The following NLRP2 variants were observed in gnomAD, a reference collection of about 807,000 sequenced individuals.
NLRP2 encodes the protein NACHT, LRR and PYD domains-containing protein 2.
NLRP2 carries 107 observed loss-of-function variants against 97.2 expected under a neutral mutation model. That is an observed-to-expected ratio of 1.10 (90% CI 0.94 to 1.29). The LOEUF is 1.29. NLRP2 is among the 50% of genes most tolerant of loss of function. NLRP2 has a pLI of 0.00. For synonymous variants in NLRP2, 663 were observed against 551.5 expected, an observed-to-expected ratio of 1.20 and a Z score of -2.83; for missense variants, 1,495 against 1,330.3, an observed-to-expected ratio of 1.12 and a Z score of -1.93.
At chr19:54,972,288 T>G (rs2070913871) in intron 2 of NLRP2, among the ~76,000 whole-genome samples, 1 of 152,038 alleles carries the variant, frequency 6.6e-6, no homozygotes, top group Non-Finnish European at 1.5e-5. Context: ...TTCAAGTGTT[T>G]CTCCTGCATC....
chr19:54,971,931 C>T (rs551824070), intron 2 of NLRP2, among the ~76,000 whole-genome samples: 12 of 151,360 alleles, frequency 7.9e-5, no homozygotes, highest in South Asian at 6.3e-4. Flanking sequence ...CGGGTTCAAG[C>T]GATTCTCCTG....
Position 54,982,235 on chromosome 19 carries a change from C to T in NLRP2, c.537C>T (p.Ser179=). 4 of 1,614,056 alleles carry T rather than the reference C, an allele frequency of 2.5e-6. No individual in the cohort carries two copies. The highest frequency in any genetic ancestry group is 1.3e-5 in the African/African-American group (1 of 75,026). ...TGTGGAAGAGCTGGCCTGGAGATAG[C>T]AAAGAGGTCCAGGTTATGGCTGAGA... The part of the protein sequence containing the change: ...REMWKSWPGD[S]KEVQVMAERY... The change falls in exon 6 of 13, where the codon AGC becomes AGT. Residue 179 remains serine, a synonymous_variant. Transcript: ENST00000448584.
Position 54,983,325 on chromosome 19 carries a change from G to C in NLRP2, c.1627G>C (p.Glu543Gln), listed in dbSNP as rs2071770654. The C allele has an allele frequency of 6.2e-7, 1 of 1,614,228 alleles. No individual in the cohort carries two copies. The highest frequency in any genetic ancestry group is 8.5e-7 in the Non-Finnish European group (1 of 1,180,038). Residue 543 changes from glutamate to glutamine, a missense_variant, in exon 6 of 13, where the codon GAA (glutamate) becomes CAA (glutamine). Transcript: ENST00000448584. ...GDVQKLLSGV[E>Q]RLRNPDLIQA... Reference sequence around the variant, plus strand: ...CGTACAGAAGCTGCTTTCCGGAGTAGAAAGACTCAGGAACCCCGACCTGAT... The same window carrying C: ...CGTACAGAAGCTGCTTTCCGGAGTACAAAGACTCAGGAACCCCGACCTGAT...
chr19:54,971,995 A>ATTTTTTTTTTTTTTT (rs61335843), intron 2 of NLRP2, among the ~76,000 whole-genome samples: 2 of 116,388 alleles, frequency 1.7e-5, no homozygotes, highest in Non-Finnish European at 3.4e-5. Context: ...TGCCTGGCTG[A>ATTTTTTTTTTTTTTT]TTTTTTTTTT....
In NLRP2 at chr19:54,983,695, T is replaced by C. The variant is rs761763761; in HGVS notation, c.1997T>C (p.Val666Ala). ...QVIKENLPEN[V>A]TASESDAEVE... Reference sequence around the variant, plus strand: ...ATAAAGGAGAATCTCCCGGAGAATGTCACTGCGTCTGAATCAGACGCCGAG... The same window carrying C: ...ATAAAGGAGAATCTCCCGGAGAATGCCACTGCGTCTGAATCAGACGCCGAG... The change falls in exon 6 of 13, where the codon GTC (valine) becomes GCC (alanine). Residue 666 changes from valine (V) to alanine (A), a missense_variant. Transcript: ENST00000448584. The C allele has an allele frequency of 6.2e-7, 1 of 1,613,352 alleles. No homozygotes were observed. The highest frequency in any genetic ancestry group is 1.1e-5 in the South Asian group (1 of 91,048).
chr19:54,970,542 C>G (rs1337114530), intron 2 of NLRP2, among the ~76,000 whole-genome samples: 2 of 151,888 alleles, frequency 1.3e-5, no homozygotes, highest in African/African-American at 4.8e-5. Context: ...GTAATCCCAG[C>G]TACTCCGGGA....
intron 4 of NLRP2, among the ~76,000 whole-genome samples, chr19:54,981,212 C>T (rs960958648): frequency 1.3e-5 from 2 of 152,008 alleles, no homozygotes; most frequent in Admixed American, 6.6e-5. Context: ...CTCTGTTGCC[C>T]AGGGTGGAGT....
At chr19:54,995,553 C>A (rs1252289104) in intron 11 of NLRP2, among the ~76,000 whole-genome samples, 1 of 151,624 alleles carries the variant, frequency 6.6e-6, no homozygotes, top group Non-Finnish European at 1.5e-5. Flanking sequence ...CACTACACTC[C>A]ATCCTGGGCT....
At chr19:54,986,951 C>T (rs780146093) in intron 8 of NLRP2, among the ~76,000 whole-genome samples, 31 of 152,064 alleles carry the variant, frequency 2.0e-4, no homozygotes, top group Admixed American at 1.2e-3. Flanking sequence ...TTGGTATGAT[C>T]TCAGGTCACT....
Position 54,973,478 on chromosome 19 carries a change from T to A in NLRP2, c.281-1022T>A, listed in dbSNP as rs555524504. ...GTGACCTCCTCCTCCCAGGTTTAAGTGATTCTCCTGCCTCAGCCTCCAGAG... is the reference window on the plus strand; with the variant it reads ...GTGACCTCCTCCTCCCAGGTTTAAGAGATTCTCCTGCCTCAGCCTCCAGAG... On this transcript the variant is annotated intron_variant, in intron 2 of 12. Transcript: ENST00000448584. Among the ~76,000 whole-genome samples the A allele has an allele frequency of 4.0e-4, 60 of 150,972 alleles. 1 individual carries two copies. The Middle Eastern group carries it at 0.01, about 26-fold the overall frequency.
intron 12 of NLRP2, among the ~76,000 whole-genome samples, chr19:54,999,380 C>A (rs2073056127): frequency 6.6e-6 from 1 of 152,178 alleles, no homozygotes; most frequent in African/African-American, 2.4e-5. Flanking sequence ...CTCCTGACTT[C>A]AGGTGACCCG....
At chr19:54,980,759 T>C (rs1371075907) in intron 4 of NLRP2, among the ~76,000 whole-genome samples, 1 of 152,176 alleles carries the variant, frequency 6.6e-6, no homozygotes, top group Non-Finnish European at 1.5e-5. Flanking sequence ...GTTTGTGAGC[T>C]CTGTGTGTGA....
In NLRP2 at chr19:54,983,514, C is replaced by T. The variant is rs2071798167; in HGVS notation, c.1816C>T (p.Leu606Phe). 4 of 1,614,174 alleles carry T rather than the reference C, an allele frequency of 2.5e-6. No homozygotes were observed. Among genetic ancestry groups the T allele is most frequent in the East Asian group, 2.2e-5 (1 of 44,880 alleles). The change falls in exon 6 of 13, where the codon CTC (leucine) becomes TTC (phenylalanine). Residue 606 changes from leucine (L) to phenylalanine (F), a missense_variant. Physicochemically the swap from Leu to Phe is conservative, Grantham distance 22 (BLOSUM62 0). Coordinates refer to ENST00000448584, the MANE Select transcript of NLRP2 (RefSeq NM_017852.5). ...AACGGTGACAGACCTGCAGGAGCTC[C>T]TCGGCTGTCTGTACGAGTCTCAGGA... Reference protein sequence around the residue: ...HSTVTDLQELLGCLYESQEEE... With the variant: ...HSTVTDLQELFGCLYESQEEE...
intron 2 of NLRP2, 44 bp downstream of exon 2, chr19:54,970,339 C>T (rs754060175): frequency 1.6e-5 from 26 of 1,607,886 alleles, no homozygotes; most frequent in East Asian, 8.9e-5. Flanking sequence ...AGGAAGCAGG[C>T]GTCCTCTCCA....
At position 54,998,565 on chromosome 19, in the gene NLRP2, T is replaced by C. The variant is rs551970269; in HGVS notation, c.3050+1078T>C. 2.0e-5 allele frequency among the ~76,000 whole-genome samples: 3 copies of C among 151,684 alleles called. No individual in the cohort carries two copies. In the East Asian group the frequency reaches 5.8e-4, roughly 29 times the overall value. Reference sequence around the variant, plus strand: ...TTTGTTTGTTTGTTTATTTATTATTTATTTTGGAGACAGTTTTACTCTTTT... The same window carrying C: ...TTTGTTTGTTTGTTTATTTATTATTCATTTTGGAGACAGTTTTACTCTTTT... On this transcript the variant is annotated intron_variant, in intron 12 of 12. Transcript: ENST00000448584.
rs138717903 is a variant in NLRP2, at chr19:54,995,474, C to T, written c.2879+1035C>T. On this transcript the variant is annotated intron_variant, in intron 11 of 12. Coordinates refer to ENST00000448584, the MANE Select transcript of NLRP2 (RefSeq NM_017852.5). ...CAGTAGGTGCCTTTAATCCCAGCTACTTGGGAGGCTGAGGCAGGAGAATCA... is the reference window on the plus strand; with the variant it reads ...CAGTAGGTGCCTTTAATCCCAGCTATTTGGGAGGCTGAGGCAGGAGAATCA... 1.5e-3 allele frequency among the ~76,000 whole-genome samples: 225 copies of T among 151,550 alleles called. 1 individual carries two copies. Among genetic ancestry groups the T allele is most frequent in the African/African-American group, 5.1e-3 (212 of 41,382 alleles).
At chr19:54,984,157 AT>A (rs776394481) in intron 6 of NLRP2, among the ~76,000 whole-genome samples, 3 of 150,378 alleles carry the variant, frequency 2.0e-5, no homozygotes, top group South Asian at 2.1e-4. Context: ...GCCCAAATAT[AT>A]TTTTTTAAGA....
chr19:54,998,667 G>GGT (rs2073000024), intron 12 of NLRP2, among the ~76,000 whole-genome samples: 1 of 89,344 alleles, frequency 1.1e-5, no homozygotes, highest in South Asian at 3.4e-4. Flanking sequence ...ATCATTCTTG[G>GGT]GTGTTTCTCA....
Position 54,982,221 on chromosome 19 carries a change from T to C in NLRP2, c.523T>C (p.Trp175Arg), listed in dbSNP as rs748716732. Residue 175 changes from tryptophan to arginine, a missense_variant, in exon 6 of 13, where the codon TGG (tryptophan) becomes CGG (arginine). Transcript: ENST00000448584. ...GAAGTTCCGGGAGATGTGGAAGAGCTGGCCTGGAGATAGCAAAGAGGTCCA... is the reference window on the plus strand; with the variant it reads ...GAAGTTCCGGGAGATGTGGAAGAGCCGGCCTGGAGATAGCAAAGAGGTCCA... ...KTKFREMWKS[W>R]PGDSKEVQVM... 15 of 1,614,008 alleles carry C rather than the reference T, an allele frequency of 9.3e-6. No individual in the cohort carries two copies. Among genetic ancestry groups the C allele is most frequent in the Non-Finnish European group, 1.3e-5 (15 of 1,180,030 alleles).
Sources: gnomAD v4.1 joint callset for allele counts (sites outside exome capture counted in the v4.1 genomes callset) on GRCh38, gnomAD v4.1.1 for gene constraint, MANE v1.5 for transcripts, NCBI Gene and HGNC (gene_info 2026-07-23, HGNC 2026-07-21) for gene names.